TAFA5: variants seen among roughly 807,000 people sequenced by gnomAD.
TAFA5 encodes TAFA chemokine like family member 5, also known as chemokine-like protein TAFA-5.
A neutral mutation model predicts 15.3 loss-of-function variants in TAFA5; 6 were observed. That is an observed-to-expected ratio of 0.39 (90% CI 0.21 to 0.77). The LOEUF (loss-of-function observed/expected upper bound fraction) is 0.77, where lower values mean the gene tolerates loss of function less well. Ranked by LOEUF, TAFA5 falls within the 30% of genes least tolerant of loss-of-function variation. The pLI is 0.41. For missense variants in TAFA5, 161 were observed against 193.1 expected, an observed-to-expected ratio of 0.83 and a Z score of 0.98; for synonymous variants, 103 against 80.7, an observed-to-expected ratio of 1.28 and a Z score of -1.48.
At chr22:48,615,642 C>G (rs1925574445) in intron 1 of TAFA5, among the ~76,000 whole-genome samples, 1 of 152,210 alleles carries the variant, frequency 6.6e-6, no homozygotes, top group Non-Finnish European at 1.5e-5. Flanking sequence ...GGCCCCTGTT[C>G]CACATGAAGG....
At chr22:48,639,327 A>G (rs1926591404) in intron 1 of TAFA5, among the ~76,000 whole-genome samples, 1 of 152,242 alleles carries the variant, frequency 6.6e-6, no homozygotes, top group African/African-American at 2.4e-5. Context: ...TGGTCTGACC[A>G]AGCACAGAGC....
chr22:48,543,166 G>A (rs917098252), intron 1 of TAFA5, among the ~76,000 whole-genome samples: 8 of 152,112 alleles, frequency 5.3e-5, no homozygotes, highest in East Asian at 1.9e-4. Context: ...CTGGGGAGCC[G>A]GGGGTCGTTT....
chr22:48,727,052 A>T (rs1929737102), intron 3 of TAFA5, among the ~76,000 whole-genome samples: 2 of 152,316 alleles, frequency 1.3e-5, no homozygotes, highest in African/African-American at 4.8e-5. Context: ...TACCACCTAC[A>T]TACCTTTCCT....
intron 3 of TAFA5, among the ~76,000 whole-genome samples, chr22:48,723,205 C>T (rs979852701): frequency 9.9e-5 from 15 of 152,244 alleles, no homozygotes; most frequent in African/African-American, 2.4e-4. Context: ...TACCGGGGCT[C>T]TGCCAGCCAC....
At chr22:48,539,414 G>C (rs780659843) in intron 1 of TAFA5, 3 of 471,102 alleles carry the variant, frequency 6.4e-6, no homozygotes, top group Non-Finnish European at 1.3e-5. Flanking sequence ...CTGTTTCCCA[G>C]GCAGGAAAAG....
At chr22:48,516,826 TCA>T (rs1327305445) in intron 1 of TAFA5, among the ~76,000 whole-genome samples, 1 of 152,192 alleles carries the variant, frequency 6.6e-6, no homozygotes, top group Non-Finnish European at 1.5e-5. Flanking sequence ...CATGTGGCCC[TCA>T]CAGTTGTGCC....
chr22:48,645,847 G>A (rs1926840848), intron 1 of TAFA5, among the ~76,000 whole-genome samples: 1 of 152,180 alleles, frequency 6.6e-6, no homozygotes, highest in Non-Finnish European at 1.5e-5. Context: ...ACACCTGGGT[G>A]CCACCCGTGT....
chr22:48,533,981 C>T (rs60190353), intron 1 of TAFA5, among the ~76,000 whole-genome samples: 1,891 of 152,258 alleles, frequency 0.012, 33 homozygotes, highest in African/African-American at 0.043. Flanking sequence ...TTAGCAAGGA[C>T]CCCTTAGCAT....
intron 1 of TAFA5, among the ~76,000 whole-genome samples, chr22:48,510,369 A>G (rs938835850): frequency 5.3e-5 from 8 of 152,272 alleles, no homozygotes; most frequent in Non-Finnish European, 8.8e-5. Flanking sequence ...AAATAATCTC[A>G]TTAAAAGTAG....
At chr22:48,561,208 G>C (rs762889221) in intron 1 of TAFA5, among the ~76,000 whole-genome samples, 1 of 152,144 alleles carries the variant, frequency 6.6e-6, no homozygotes, top group Non-Finnish European at 1.5e-5. Flanking sequence ...CTGCTCTGTG[G>C]CTCTGGGACC....
rs150882621 is a variant in TAFA5 at position 48,633,733 on chromosome 22, C to T, written c.113-12864C>T. Among the ~76,000 whole-genome samples, 32 of 152,088 alleles carry T rather than the reference C, an allele frequency of 2.1e-4. 1 individual carries two copies. In the East Asian group the frequency reaches 6.0e-3, roughly 28 times the overall value. Reference sequence around the variant, plus strand: ...TTCTGTTGTCGTGACCATGTGAGTGCGTTTGTTTAAATGACTTGTGGAAAG... The same window carrying T: ...TTCTGTTGTCGTGACCATGTGAGTGTGTTTGTTTAAATGACTTGTGGAAAG... On this transcript the variant is annotated intron_variant, in intron 1 of 3. Transcript: ENST00000402357.
chr22:48,715,472 G>A (rs1929375683), intron 3 of TAFA5, among the ~76,000 whole-genome samples: 1 of 152,194 alleles, frequency 6.6e-6, no homozygotes, highest in Non-Finnish European at 1.5e-5. Context: ...GGCTGGGGGT[G>A]GGGCGGGGCA....
intron 1 of TAFA5, among the ~76,000 whole-genome samples, chr22:48,585,154 A>C (rs139877202): frequency 2.0e-5 from 3 of 150,536 alleles, no homozygotes; most frequent in African/African-American, 7.4e-5. Context: ...AATACACCAC[A>C]CACTAGACAC....
intron 2 of TAFA5, among the ~76,000 whole-genome samples, chr22:48,698,244 G>A (rs1170739677): frequency 6.6e-6 from 1 of 152,082 alleles, no homozygotes; most frequent in Non-Finnish European, 1.5e-5. Context: ...TGATGGCCCA[G>A]GCAAGTGGAT....
rs1322483018 is a variant in TAFA5 at position 48,530,161 on chromosome 22, C to CGAG, written c.112+40468_112+40470dup. Among the ~76,000 whole-genome samples the CGAG allele has an allele frequency of 6.6e-6, 1 of 152,084 alleles. No individual in the cohort carries two copies. The highest frequency in any genetic ancestry group is 2.1e-4 in the South Asian group (1 of 4,828). On this transcript the variant is annotated intron_variant, in intron 1 of 3. Transcript: ENST00000402357. This position sits in a 1 kb window ranked among gnomAD's most constrained non-coding sequence, Gnocchi z 6.0. ...CACCTGCTCTGTCTCCATGGCGACT[C>CGAG]GAGGAGGAGGAGGCTGGGCCTGCAT...
chr22:48,676,124 C>T (rs540602018), intron 2 of TAFA5, among the ~76,000 whole-genome samples: 1 of 152,382 alleles, frequency 6.6e-6, no homozygotes, highest in Admixed American at 6.5e-5. Context: ...CCTCCCTGGG[C>T]CACAGCAGCC....
At chr22:48,689,231 C>G (rs903303895) in intron 2 of TAFA5, among the ~76,000 whole-genome samples, 3 of 152,230 alleles carry the variant, frequency 2.0e-5, no homozygotes, top group East Asian at 1.9e-4. Flanking sequence ...CTGGTCTGCA[C>G]GCCGTATGCA....
chr22:48,542,576 GT>G (rs1922476939), intron 1 of TAFA5, among the ~76,000 whole-genome samples: 1 of 122,422 alleles, frequency 8.2e-6, no homozygotes, highest in Non-Finnish European at 1.7e-5. Flanking sequence ...TGTGTGTGGT[GT>G]GTGTGCGGGT....
intron 1 of TAFA5, among the ~76,000 whole-genome samples, chr22:48,549,774 G>A (rs1922796827): frequency 1.3e-5 from 2 of 152,204 alleles, no homozygotes; most frequent in African/African-American, 4.8e-5. Context: ...GGTTGTCAGA[G>A]CTGTGGCAAC....
Sources: allele counts gnomAD v4.1 joint callset (sites outside exome capture counted in the v4.1 genomes callset), GRCh38; gene constraint gnomAD v4.1.1; non-coding constraint Gnocchi (gnomAD v3.1); transcripts MANE v1.5; gene names NCBI Gene and HGNC (gene_info 2026-07-23, HGNC 2026-07-21).